Variants in TSGA10 observed in about 807,000 individuals in gnomAD.
TSGA10 encodes the protein testis specific 10.
A neutral mutation model predicts 96.6 loss-of-function variants in TSGA10; 43 were observed. That is an observed-to-expected ratio of 0.44 (90% CI 0.35 to 0.57). TSGA10 has a LOEUF of 0.57. Ranked by LOEUF, TSGA10 falls within the 20% of genes least tolerant of loss-of-function variation. The pLI, the probability that TSGA10 is intolerant of heterozygous loss-of-function variation, is 0.01. For missense variants in TSGA10, 703 were observed against 834.4 expected (o/e 0.84, Z 1.94); for synonymous variants, 229 against 269.9 (o/e 0.85, Z 1.48).
chr2:99,044,148 A>C (rs2082492805), intron 16 of TSGA10, among the ~76,000 whole-genome samples: 1 of 152,196 alleles, frequency 6.6e-6, no homozygotes, highest in Admixed American at 6.5e-5. Context: ...AGGTAGCATC[A>C]TAATGACAGG....
intron 20 of TSGA10, among the ~76,000 whole-genome samples, chr2:99,003,402 CTT>C (rs1205904511): frequency 6.6e-6 from 1 of 152,064 alleles, no homozygotes; most frequent in Non-Finnish European, 1.5e-5. Context: ...GAGAAAGAAA[CTT>C]AACAAGGATA....
At chr2:99,109,814 A>G (rs2091653380) in intron 5 of TSGA10, among the ~76,000 whole-genome samples, 1 of 152,220 alleles carries the variant, frequency 6.6e-6, no homozygotes, top group Admixed American at 6.5e-5. Flanking sequence ...GAGAGGCCAG[A>G]AATGTCCACA....
chr2:99,077,010 C>G (rs1241037234), intron 12 of TSGA10, among the ~76,000 whole-genome samples: 2 of 151,950 alleles, frequency 1.3e-5, no homozygotes, highest in Non-Finnish European at 2.9e-5. Context: ...GTGTTTTTGC[C>G]CAATTCCAAC....
chr2:99,092,543 A>G (rs1310026262), intron 10 of TSGA10, among the ~76,000 whole-genome samples: 1 of 152,178 alleles, frequency 6.6e-6, no homozygotes, highest in African/African-American at 2.4e-5. Context: ...GATTTAACTA[A>G]GAAGACAGAA....
intron 16 of TSGA10, among the ~76,000 whole-genome samples, chr2:99,057,122 A>G (rs2084093554): frequency 1.5e-5 from 2 of 129,086 alleles, no homozygotes; most frequent in African/African-American, 7.1e-5. Context: ...ATCATACTTG[A>G]TGGTAAAAGA....
intron 10 of TSGA10, among the ~76,000 whole-genome samples, chr2:99,094,083 G>A (rs1042441288): frequency 2.0e-5 from 3 of 152,050 alleles, no homozygotes; most frequent in Admixed American, 1.3e-4. Context: ...GAATAAGAAC[G>A]CAGAAATAAG....
At chr2:99,122,213 T>C (rs2104951474) in intron 2 of TSGA10, among the ~76,000 whole-genome samples, 2 of 152,326 alleles carry the variant, frequency 1.3e-5, no homozygotes, top group East Asian at 3.9e-4. Context: ...TGCCTTCCTG[T>C]GGATTATCTC....
At chr2:99,004,174 A>G (rs1444242059) in intron 20 of TSGA10, among the ~76,000 whole-genome samples, 5 of 152,254 alleles carry the variant, frequency 3.3e-5, no homozygotes, top group Non-Finnish European at 5.9e-5. Context: ...AAACACCTCT[A>G]TGCAAATAAA....
chr2:99,088,965 C>T (rs916755267), intron 10 of TSGA10, among the ~76,000 whole-genome samples: 1 of 152,154 alleles, frequency 6.6e-6, no homozygotes, highest in Non-Finnish European at 1.5e-5. Context: ...TGAACTTTTG[C>T]TTCAAGAACT....
rs199957417 is a variant in TSGA10, at chr2:99,081,293, T to A, written c.716A>T (p.Asp239Val). 1.3e-6 allele frequency: 2 copies of A among 1,560,514 alleles called. No individual in the cohort carries two copies. Among genetic ancestry groups the A allele is most frequent in the Admixed American group, 3.8e-5 (2 of 52,368 alleles). The change falls in exon 11 of 21, where the codon GAT becomes GTT. Residue 239 changes from aspartate (D) to valine (V), a missense_variant. Transcript: ENST00000393483. ...QLTQEKIMCL[D>V]EKIDNFTRQN... ...AGAAAAAAACTCACCAATTTTTTCA[T>A]CCAAGCACATAATTTTCTCCTGAGT...
intron 10 of TSGA10, among the ~76,000 whole-genome samples, chr2:99,098,289 A>G (rs1204821384): frequency 6.6e-6 from 1 of 151,656 alleles, no homozygotes; most frequent in Non-Finnish European, 1.5e-5. Flanking sequence ...TACAAAAAAA[A>G]TTAGCCAGGC....
At chr2:99,080,229 A>G (rs2087279695) in intron 11 of TSGA10, among the ~76,000 whole-genome samples, 1 of 152,150 alleles carries the variant, frequency 6.6e-6, no homozygotes, top group African/African-American at 2.4e-5. Context: ...GGTGTTACCA[A>G]ATCTTCCAAT....
intron 2 of TSGA10, among the ~76,000 whole-genome samples, chr2:99,122,212 G>A (rs900389385): frequency 3.9e-5 from 6 of 152,092 alleles, no homozygotes; most frequent in African/African-American, 1.4e-4. Flanking sequence ...GTGCCTTCCT[G>A]TGGATTATCT....
At chr2:99,054,335 C>A (rs1377874440) in intron 16 of TSGA10, among the ~76,000 whole-genome samples, 1 of 152,016 alleles carries the variant, frequency 6.6e-6, no homozygotes, top group Non-Finnish European at 1.5e-5. Flanking sequence ...TGAGATTGGA[C>A]CCTTATTTCA....
At chr2:99,011,805 A>T (rs1330000989) in intron 20 of TSGA10, among the ~76,000 whole-genome samples, 9 of 152,178 alleles carry the variant, frequency 5.9e-5, no homozygotes, top group Admixed American at 5.2e-4. Flanking sequence ...GGGTTTGGAG[A>T]TCTAGACCTC....
At chr2:99,137,673 C>T (rs1164007803) in intron 1 of TSGA10, among the ~76,000 whole-genome samples, 2 of 151,482 alleles carry the variant, frequency 1.3e-5, no homozygotes, top group African/African-American at 4.9e-5. Context: ...ACAGTGGAAG[C>T]GGAAAGATAG....
intron 10 of TSGA10, among the ~76,000 whole-genome samples, chr2:99,097,907 T>C (rs1359779387): frequency 1.3e-5 from 2 of 152,146 alleles, no homozygotes; most frequent in Non-Finnish European, 2.9e-5. Flanking sequence ...TATAGCTATG[T>C]TAATATCACA....
At chr2:99,108,657 T>C (rs930737860) in intron 7 of TSGA10, among the ~76,000 whole-genome samples, 176 bp downstream of exon 7, 3 of 152,162 alleles carry the variant, frequency 2.0e-5, no homozygotes, top group Non-Finnish European at 4.4e-5. Flanking sequence ...CTCACATACC[T>C]ACTGTATTGG....
chr2:99,064,095 G>C (rs2084990219), intron 16 of TSGA10, among the ~76,000 whole-genome samples: 1 of 152,226 alleles, frequency 6.6e-6, no homozygotes, highest in East Asian at 1.9e-4. Flanking sequence ...AAACTTAGAA[G>C]AGCTGAAATT....
Sources: allele counts gnomAD v4.1 joint callset (sites outside exome capture counted in the v4.1 genomes callset), GRCh38; gene constraint gnomAD v4.1.1; transcripts MANE v1.5; gene names NCBI Gene and HGNC (gene_info 2026-07-23, HGNC 2026-07-21).